The following TGDS variants were observed in gnomAD, a reference collection of about 807,000 sequenced individuals.
TGDS encodes the protein UDP-D-glucose 4,6-dehydratase.
A neutral mutation model predicts 52.3 loss-of-function variants in TGDS; 47 were observed. The observed-to-expected ratio is 0.90, with a 90% CI of 0.71 to 1.15. TGDS has a LOEUF of 1.15. TGDS is among the 50% of genes most tolerant of loss of function. The pLI, the probability that TGDS is intolerant of heterozygous loss-of-function variation, is 0.00. For synonymous variants in TGDS, 115 were observed against 136.9 expected (o/e 0.84, Z 1.12); for missense variants, 375 against 418.4 (o/e 0.90, Z 0.90).
At chr13:94,590,619 T>C (rs1393686696) in intron 4 of TGDS, among the ~76,000 whole-genome samples, 1 of 152,144 alleles carries the variant, frequency 6.6e-6, no homozygotes, top group Non-Finnish European at 1.5e-5. Flanking sequence ...CCCTTCACTA[T>C]CCTGAATTGG....
chr13:94,576,314 T>C lies in TGDS; in HGVS notation c.982A>G (p.Ile328Val). The change falls in exon 11 of 12, where the codon ATT (isoleucine) becomes GTT (valine). Residue 328 changes from isoleucine (I) to valine (V), a missense_variant and splice_region_variant. Transcript: ENST00000261296. ...VPWKEGIKKT[I>V]EWYRENFHNW... ...CCAAAATGATTAATTCAAAACATACTTGTTTTCTTTATTCCTTCTTTCCAA... is the reference window on the plus strand; with the variant it reads ...CCAAAATGATTAATTCAAAACATACCTGTTTTCTTTATTCCTTCTTTCCAA... 1 of 1,582,912 alleles carries C rather than the reference T, an allele frequency of 6.3e-7. No individual in the cohort carries two copies.
Position 94,592,227 on chromosome 13 carries a change from G to A in TGDS, c.222+14C>T, listed in dbSNP as rs1889225204. On this transcript the variant is annotated intron_variant, in intron 3 of 11. Transcript: ENST00000261296. ...CTAAAGAGGCACGGTACAGTTACAAGAAAATGTTCATACCTGTATAAATTT... is the reference window on the plus strand; with the variant it reads ...CTAAAGAGGCACGGTACAGTTACAAAAAAATGTTCATACCTGTATAAATTT... 2.5e-6 allele frequency: 4 copies of A among 1,588,418 alleles called. 1 individual carries two copies. In the South Asian group the frequency reaches 4.6e-5, roughly 18 times the overall value.
chr13:94,577,456 T>A (rs768205686), intron 9 of TGDS, 27 bp from the exon 10 acceptor site: 7 of 1,533,732 alleles, frequency 4.6e-6, no homozygotes, highest in African/African-American at 1.4e-5. Context: ...AGCTTTTGAG[T>A]CAAATTATAA....
intron 11 of TGDS, among the ~76,000 whole-genome samples, chr13:94,575,686 T>C (rs543828622): frequency 2.0e-5 from 3 of 152,252 alleles, no homozygotes; most frequent in African/African-American, 7.2e-5. Flanking sequence ...AATTATTTTT[T>C]GTTTCTTAAT....
rs9301979 is a variant in TGDS, at chr13:94,591,016, G to A, written c.223-73C>T. 0.65 allele frequency: 687,058 copies of A among 1,060,904 alleles called. 224,819 individuals are homozygous for A. The highest frequency in any genetic ancestry group is 0.82 in the African/African-American group (48,860 of 59,906). The allele number at this position is 1,060,904 out of a possible 1,614,324, so 65.7% of individuals were successfully genotyped here. A position where few individuals can be genotyped will look rare whatever the true frequency, so the allele number is the denominator to read the frequency against. On this transcript the variant is annotated intron_variant, in intron 3 of 11. Coordinates refer to ENST00000261296, the MANE Select transcript of TGDS (RefSeq NM_014305.4). ...CTCATTCATAACCATTTTTACTATA[G>A]CATCCCCCTACCTCCCACCTCCCTG...
intron 4 of TGDS, among the ~76,000 whole-genome samples, chr13:94,586,821 C>T (rs1889006469): frequency 7.3e-6 from 1 of 137,334 alleles, no homozygotes; most frequent in South Asian, 2.3e-4. Context: ...TGCAGGGGTG[C>T]GATCTCAGCT....
chr13:94,577,959 C>A (rs1293085483), intron 9 of TGDS, 46 bp downstream of exon 9: 25 of 1,575,904 alleles, frequency 1.6e-5, no homozygotes, highest in Non-Finnish European at 1.9e-5. Flanking sequence ...ATGGTCACTG[C>A]CACTAACAAT....
rs34991132 is a variant in TGDS, at chr13:94,596,094, C to G, written c.43G>C (p.Gly15Arg). Residue 15 changes from glycine (G) to arginine (R), a missense_variant, in exon 1 of 12, where the codon GGC becomes CGC. By Grantham distance (125) the Gly-to-Arg change is moderately radical (BLOSUM62 -2). Transcript: ENST00000261296. Reference protein sequence around the residue: ...CWEEPWGLPGGFAKRVLVTGG... With the variant: ...CWEEPWGLPGRFAKRVLVTGG... ...GTCACCAGGACCCGCTTCGCAAAGC[C>G]GCCGGGAAGACCCCACGGTTCCTCC... 1 of 1,614,144 alleles carries G rather than the reference C, an allele frequency of 6.2e-7. No individual in the cohort carries two copies. The highest frequency in any genetic ancestry group is 1.1e-5 in the South Asian group (1 of 91,084).
chr13:94,574,966 A>G, intron 11 of TGDS, 114 bp from the exon 12 acceptor site: 1 of 613,678 alleles, frequency 1.6e-6, no homozygotes, highest in South Asian at 2.1e-5. Context: ...TCAGCTAAGC[A>G]GCAGACAAGG....
At chr13:94,590,768 A>T in intron 4 of TGDS, 85 bp downstream of exon 4, 1 of 1,078,620 alleles carries the variant, frequency 9.3e-7, no homozygotes, top group Non-Finnish European at 1.3e-6. Flanking sequence ...ACAGTATGAT[A>T]TATCCTCTTT....
chr13:94,574,533 C>T lies in TGDS; in HGVS notation c.*249G>A. ...CTTCCTGGCTACCCTTAGGGAGAGT[C>T]TTCTACACCTATTATTTCCTAGTTT... On this transcript the variant is annotated 3_prime_UTR_variant, in exon 12 of 12. Coordinates refer to ENST00000261296, the MANE Select transcript of TGDS (RefSeq NM_014305.4). 1 of 423,698 alleles carries T rather than the reference C, an allele frequency of 2.4e-6. No individual in the cohort carries two copies. Among genetic ancestry groups the T allele is most frequent in the Admixed American group, 4.2e-5 (1 of 23,918 alleles). 26.2% of individuals were successfully genotyped at this position (423,698 alleles called of 1,614,324 possible). A position where few individuals can be genotyped will look rare whatever the true frequency, so the allele number is the denominator to read the frequency against.
At chr13:94,592,869 G>A (rs891934880) in intron 2 of TGDS, among the ~76,000 whole-genome samples, 3 of 152,110 alleles carry the variant, frequency 2.0e-5, no homozygotes, top group East Asian at 1.9e-4. Context: ...TTTAAAAAAT[G>A]TTCCTAGCTG....
Position 94,581,099 on chromosome 13 carries a change from G to C in TGDS, c.547C>G (p.Gln183Glu). 2 of 1,545,444 alleles carry C rather than the reference G, an allele frequency of 1.3e-6. No individual in the cohort carries two copies. Among genetic ancestry groups the C allele is most frequent in the African/African-American group, 2.7e-5 (2 of 73,572 alleles). Reference sequence around the variant, plus strand: ...CTGCAATCAGTTCTTACCTTATATTGTTCCCAGTAAGACTGTACAAAACAT... The same window carrying C: ...CTGCAATCAGTTCTTACCTTATATTCTTCCCAGTAAGACTGTACAAAACAT... ...AECFVQSYWE[Q>E]YKFPVVITRS... Residue 183 changes from glutamine (Q) to glutamate (E), a missense_variant, in exon 6 of 12, where the codon CAA becomes GAA. Physicochemically the swap from Gln to Glu is conservative, Grantham distance 29. Coordinates refer to ENST00000261296, the MANE Select transcript of TGDS (RefSeq NM_014305.4).
At chr13:94,578,279 G>A (rs1888672192) in intron 8 of TGDS, 109 bp from the exon 9 acceptor site, 2 of 1,007,440 alleles carry the variant, frequency 2.0e-6, no homozygotes, top group South Asian at 3.2e-5. Context: ...GGGGATCCCA[G>A]AATCTTTACT....
intron 4 of TGDS, among the ~76,000 whole-genome samples, chr13:94,589,270 T>C (rs921907620): frequency 6.6e-6 from 1 of 151,646 alleles, no homozygotes; most frequent in Non-Finnish European, 1.5e-5. Flanking sequence ...AACTTCTCTT[T>C]CAATGAGAAA....
Position 94,581,195 on chromosome 13 carries a change from T to C in TGDS, c.457-6A>G. On this transcript the variant is annotated splice_polypyrimidine_tract_variant and splice_region_variant and intron_variant, in intron 5 of 11. Coordinates refer to ENST00000261296, the MANE Select transcript of TGDS (RefSeq NM_014305.4). ...GGTGAAGATTCATCAAATTCCTATT[T>C]TTAAAAATATATATTTAAAAAAGTG... 6.6e-7 allele frequency: 1 copy of C among 1,523,580 alleles called. No individual in the cohort carries two copies. The highest frequency in any genetic ancestry group is 8.9e-7 in the Non-Finnish European group (1 of 1,122,222). 94.4% of individuals were successfully genotyped at this position (1,523,580 alleles called of 1,614,324 possible).
At chr13:94,586,841 C>G (rs79121014) in intron 4 of TGDS, among the ~76,000 whole-genome samples, 1 of 150,494 alleles carries the variant, frequency 6.6e-6, no homozygotes, top group East Asian at 2.0e-4. Context: ...TCACTGCAAC[C>G]GCCACCTCTT....
rs77009259 is a variant in TGDS, at chr13:94,574,460, T to A, written c.*322A>T. On this transcript the variant is annotated 3_prime_UTR_variant, in exon 12 of 12. Transcript: ENST00000261296. Reference sequence around the variant, plus strand: ...GAGTTCAAAACCAGTGAAGGTTGCCTTCTCCCTAGCACCACTACCCCTCAT... The same window carrying A: ...GAGTTCAAAACCAGTGAAGGTTGCCATCTCCCTAGCACCACTACCCCTCAT... 2,431 of 209,918 alleles carry A rather than the reference T, an allele frequency of 0.012. 75 individuals are homozygous for A. Among genetic ancestry groups the A allele is most frequent in the African/African-American group, 0.052 (2,288 of 43,842 alleles). The allele number at this position is 209,918 out of a possible 1,614,324, so 13.0% of individuals were successfully genotyped here. A position where few individuals can be genotyped will look rare whatever the true frequency, so the allele number is the denominator to read the frequency against.
At chr13:94,576,575 TAA>T (rs899644686) in intron 10 of TGDS, among the ~76,000 whole-genome samples, 164 bp from the exon 11 acceptor site, 2 of 147,158 alleles carry the variant, frequency 1.4e-5, no homozygotes, top group Non-Finnish European at 3.0e-5. Flanking sequence ...AGTATATATT[TAA>T]AAAAAAAAAG....
Sources: gnomAD v4.1 joint callset for allele counts (sites outside exome capture counted in the v4.1 genomes callset) on GRCh38, gnomAD v4.1.1 for gene constraint, MANE v1.5 for transcripts, NCBI Gene and HGNC (gene_info 2026-07-23, HGNC 2026-07-21) for gene names.